The following ADAM22 variants were observed in gnomAD, a reference collection of about 807,000 sequenced individuals.
ADAM22 encodes ADAM metallopeptidase domain 22.
Under a neutral mutation model 144.6 loss-of-function variants are expected in ADAM22, and 65 were observed. That is an observed-to-expected ratio of 0.45 (90% CI 0.37 to 0.55). The LOEUF (loss-of-function observed/expected upper bound fraction) is 0.55, where lower values mean the gene tolerates loss of function less well. Among genes scored for constraint, ADAM22 ranks in the 20% least tolerant of loss-of-function variants. The pLI is 0.00. For missense variants in ADAM22, 974 were observed against 1,184.9 expected (o/e 0.82, Z 2.61); for synonymous variants, 391 against 412.6 (o/e 0.95, Z 0.63).
At chr7:87,979,232 T>C (rs1852691005) in intron 3 of ADAM22, among the ~76,000 whole-genome samples, 1 of 152,168 alleles carries the variant, frequency 6.6e-6, no homozygotes, top group Non-Finnish European at 1.5e-5. Context: ...GCCTGAGTTG[T>C]CTGCAATGGG....
At chr7:88,086,655 G>T (rs1345735558) in intron 4 of ADAM22, among the ~76,000 whole-genome samples, 1 of 152,108 alleles carries the variant, frequency 6.6e-6, no homozygotes, top group Non-Finnish European at 1.5e-5. Context: ...ACTTCTAAAA[G>T]AATTTTAAAG....
intron 14 of ADAM22, among the ~76,000 whole-genome samples, chr7:88,142,331 CTCTT>C (rs1834940079): frequency 6.6e-6 from 1 of 152,122 alleles, no homozygotes; most frequent in Non-Finnish European, 1.5e-5. Flanking sequence ...GGAACAGCTC[CTCTT>C]TCTTTGACTT....
rs965976887 is a variant in ADAM22 at position 88,143,597 on chromosome 7, C to T, written c.1320+472C>T. 2.0e-5 allele frequency among the ~76,000 whole-genome samples: 3 copies of T among 152,104 alleles called. 1 individual carries two copies. Among genetic ancestry groups the T allele is most frequent in the Non-Finnish European group, 4.4e-5 (3 of 68,008 alleles). The stretch of plus-strand genomic sequence containing the variant: ...GTATGAAAAACAAGTCTTCTTAAAG[C>T]AGAAATGGAGAAAGTCTTGGACTTT... On this transcript the variant is annotated intron_variant, in intron 15 of 31. Coordinates refer to ENST00000413139, the MANE Select transcript of ADAM22 (RefSeq NM_001324418.2).
At chr7:88,100,933 A>G (rs963442316) in intron 4 of ADAM22, among the ~76,000 whole-genome samples, 1 of 151,380 alleles carries the variant, frequency 6.6e-6, no homozygotes, top group Non-Finnish European at 1.5e-5. Flanking sequence ...TTGGTAGGAA[A>G]GCACCTGGTG....
In ADAM22 at chr7:88,034,349, G is replaced by A. The variant is rs555654140; in HGVS notation, c.324-41277G>A. ...TAGAAATGCCTGGGAGCTGGGCCCT[G>A]GAATGAGGGCCTCACGACTCTTCCC... On this transcript the variant is annotated intron_variant, in intron 3 of 31. Coordinates refer to ENST00000413139, the MANE Select transcript of ADAM22 (RefSeq NM_001324418.2). Among the ~76,000 whole-genome samples the A allele has an allele frequency of 7.2e-5, 11 of 152,300 alleles. No individual in the cohort carries two copies. The East Asian group carries it at 2.1e-3, about 29-fold the overall frequency.
At chr7:88,016,458 G>A (rs1052706182) in intron 3 of ADAM22, among the ~76,000 whole-genome samples, 1 of 152,038 alleles carries the variant, frequency 6.6e-6, no homozygotes, top group Non-Finnish European at 1.5e-5. Context: ...TCCTTTTAGT[G>A]GACAAATTTG....
At chr7:88,162,149 A>G (rs1354343444) in intron 22 of ADAM22, among the ~76,000 whole-genome samples, 2 of 134,828 alleles carry the variant, frequency 1.5e-5, no homozygotes, top group East Asian at 2.7e-4. Context: ...AATACTATGC[A>G]GCCATAAAAA....
intron 4 of ADAM22, among the ~76,000 whole-genome samples, chr7:88,103,438 A>C (rs986567892): frequency 6.6e-6 from 1 of 152,174 alleles, no homozygotes; most frequent in African/African-American, 2.4e-5. Flanking sequence ...AAAAAATTAC[A>C]ATAAATTTTT....
At chr7:87,995,231 C>T (rs1309150267) in intron 3 of ADAM22, among the ~76,000 whole-genome samples, 2 of 152,156 alleles carry the variant, frequency 1.3e-5, no homozygotes, top group Admixed American at 6.5e-5. Context: ...GATGGAGTGG[C>T]ATAGGATTTT....
intron 3 of ADAM22, among the ~76,000 whole-genome samples, chr7:88,003,362 G>T (rs1024137075): frequency 6.6e-6 from 1 of 152,148 alleles, no homozygotes; most frequent in Non-Finnish European, 1.5e-5. Context: ...CTTGCTCAGG[G>T]TTCTACAATT....
chr7:88,180,373 TG>T (rs981278601), intron 27 of ADAM22, among the ~76,000 whole-genome samples: 1 of 152,200 alleles, frequency 6.6e-6, no homozygotes, highest in African/African-American at 2.4e-5. Context: ...GAGAAATTAA[TG>T]GTTTCCAGCA....
At chr7:88,034,862 C>G (rs1026491561) in intron 3 of ADAM22, among the ~76,000 whole-genome samples, 45 of 152,166 alleles carry the variant, frequency 3.0e-4, no homozygotes, top group African/African-American at 9.9e-4. Flanking sequence ...CACAGTTTCT[C>G]TCTCTGTGCC....
intron 3 of ADAM22, among the ~76,000 whole-genome samples, chr7:88,069,765 T>G (rs546673104): frequency 7.9e-5 from 12 of 152,128 alleles, no homozygotes; most frequent in African/African-American, 2.9e-4. Flanking sequence ...AAAGATAACC[T>G]GAAATACAGG....
chr7:88,025,928 T>C (rs1681287537), intron 3 of ADAM22, among the ~76,000 whole-genome samples: 1 of 152,218 alleles, frequency 6.6e-6, no homozygotes, highest in Admixed American at 6.5e-5. Context: ...TTAGTAAGGA[T>C]TGCATTGAAT....
At chr7:88,075,822 A>T in intron 4 of ADAM22, 130 bp downstream of exon 4, 1 of 751,732 alleles carries the variant, frequency 1.3e-6, no homozygotes, top group Non-Finnish European at 2.1e-6. Flanking sequence ...TATAATTTGA[A>T]GTTTTATCAC....
At chr7:87,964,298 G>A (rs1317730213) in intron 2 of ADAM22, among the ~76,000 whole-genome samples, 1 of 152,212 alleles carries the variant, frequency 6.6e-6, no homozygotes, top group African/African-American at 2.4e-5. Flanking sequence ...AATGGATAAT[G>A]TGACTTGATT....
At chr7:88,062,983 G>T (rs1310565174) in intron 3 of ADAM22, among the ~76,000 whole-genome samples, 1 of 152,008 alleles carries the variant, frequency 6.6e-6, no homozygotes, top group African/African-American at 2.4e-5. Context: ...TAACATCAAA[G>T]GTCACTGATT....
intron 3 of ADAM22, among the ~76,000 whole-genome samples, chr7:87,991,641 C>G (rs546459968): frequency 6.6e-6 from 1 of 152,278 alleles, no homozygotes; most frequent in Admixed American, 6.5e-5. Context: ...GCTGGGATTA[C>G]AGGCGTGAGC....
chr7:88,086,037 G>A (rs191667485), intron 4 of ADAM22, among the ~76,000 whole-genome samples: 39 of 152,192 alleles, frequency 2.6e-4, no homozygotes, highest in Non-Finnish European at 4.4e-4. Flanking sequence ...TTAGCTGGGC[G>A]TGGTGGCATG....
Sources: gnomAD v4.1 joint callset for allele counts (sites outside exome capture counted in the v4.1 genomes callset) on GRCh38, gnomAD v4.1.1 for gene constraint, MANE v1.5 for transcripts, NCBI Gene and HGNC (gene_info 2026-07-23, HGNC 2026-07-21) for gene names.